Variants in FBXL17 observed in about 807,000 individuals in gnomAD.
The protein encoded by FBXL17 is F-box/LRR-repeat protein 17.
A neutral mutation model predicts 66.2 loss-of-function variants in FBXL17; 22 were observed. The observed-to-expected ratio is 0.33, with a 90% CI of 0.24 to 0.47. The LOEUF (loss-of-function observed/expected upper bound fraction) is 0.47, where lower values mean the gene tolerates loss of function less well. Ranked by LOEUF, FBXL17 falls within the 20% of genes least tolerant of loss-of-function variation. FBXL17 has a pLI of 1.00. For missense variants in FBXL17, 878 were observed against 948.2 expected (o/e 0.93, Z 0.97); for synonymous variants, 474 against 400.5 (o/e 1.18, Z -2.19).
chr5:108,277,005 A>G (rs565626145), intron 4 of FBXL17, among the ~76,000 whole-genome samples: 2 of 152,188 alleles, frequency 1.3e-5, no homozygotes, highest in Admixed American at 6.5e-5. Context: ...GAAGTAGATT[A>G]TAATTGCCTT....
chr5:107,921,391 A>C (rs1343893021), intron 7 of FBXL17, among the ~76,000 whole-genome samples: 1 of 152,174 alleles, frequency 6.6e-6, no homozygotes, highest in Non-Finnish European at 1.5e-5. Flanking sequence ...TTTGCATGTA[A>C]AGTATTAAGA....
At chr5:108,191,708 A>G (rs1421968933) in intron 5 of FBXL17, among the ~76,000 whole-genome samples, 5 of 152,122 alleles carry the variant, frequency 3.3e-5, no homozygotes, top group African/African-American at 1.2e-4. Context: ...ATCCAGGCCT[A>G]CTCCTCACAA....
intron 4 of FBXL17, among the ~76,000 whole-genome samples, chr5:108,317,061 T>C (rs945048888): frequency 1.3e-5 from 2 of 151,264 alleles, no homozygotes; most frequent in Admixed American, 1.3e-4. Flanking sequence ...AATTTCTAGT[T>C]CTGAGTTATA....
intron 6 of FBXL17, among the ~76,000 whole-genome samples, chr5:108,065,975 G>A (rs1748102302): frequency 6.6e-6 from 1 of 152,114 alleles, no homozygotes; most frequent in South Asian, 2.1e-4. Flanking sequence ...AGTACCTGGG[G>A]AAGGAAATGG....
chr5:107,880,738 C>T (rs1748761433), intron 8 of FBXL17: 5 of 1,284,246 alleles, frequency 3.9e-6, no homozygotes, highest in Admixed American at 3.6e-5. Context: ...TAATCTTTTA[C>T]ATTTTGGTCC....
chr5:108,125,114 T>C (rs971023282), intron 6 of FBXL17, among the ~76,000 whole-genome samples: 3 of 151,906 alleles, frequency 2.0e-5, no homozygotes, highest in East Asian at 1.9e-4. Context: ...TTCTGTATTT[T>C]ATTAAAAAAA....
At position 108,381,185 on chromosome 5, in the gene FBXL17, G is replaced by A; in HGVS notation, c.507C>T (p.Phe169=). The change falls in exon 1 of 9, where the codon TTC becomes TTT. Residue 169 remains phenylalanine, a synonymous_variant. Transcript: ENST00000542267. ...GCTGCACGGCGGCGGGCGGCCCCAG[G>A]AAGCGCACCGGCCCCAAGCTGGCCA... ...LFLASLGPVR[F]LGPPAAVQLF... 7.0e-7 allele frequency: 1 copy of A among 1,435,844 alleles called. No individual in the cohort carries two copies. Among genetic ancestry groups the A allele is most frequent in the Non-Finnish European group, 9.1e-7 (1 of 1,096,684 alleles). The allele number at this position is 1,435,844 out of a possible 1,614,324, so 88.9% of individuals were successfully genotyped here. A position where few individuals can be genotyped will look rare whatever the true frequency, so the allele number is the denominator to read the frequency against.
intron 4 of FBXL17, among the ~76,000 whole-genome samples, chr5:108,339,023 T>G (rs189904588): frequency 8.5e-5 from 13 of 152,306 alleles, no homozygotes; most frequent in Admixed American, 5.2e-4. Flanking sequence ...AATGTATCTT[T>G]GTGATAATGA....
intron 6 of FBXL17, among the ~76,000 whole-genome samples, chr5:108,023,241 CA>C (rs1232684456): frequency 5.8e-4 from 89 of 152,172 alleles, no homozygotes; most frequent in African/African-American, 2.1e-3. Context: ...TTCATGGAGA[CA>C]AAACCATACT....
At chr5:108,379,774 T>C (rs1580934783) in intron 1 of FBXL17, among the ~76,000 whole-genome samples, 1 of 152,296 alleles carries the variant, frequency 6.6e-6, no homozygotes, top group Non-Finnish European at 1.5e-5. Flanking sequence ...AAAAACTCTA[T>C]TATGTAACTA....
intron 7 of FBXL17, among the ~76,000 whole-genome samples, chr5:107,987,367 A>G (rs1753056301): frequency 6.6e-6 from 1 of 151,942 alleles, no homozygotes; most frequent in Non-Finnish European, 1.5e-5. Flanking sequence ...AGGAAGGTGA[A>G]TGAATTTTAC....
At chr5:108,086,607 G>GGAGT (rs1748980336) in intron 6 of FBXL17, among the ~76,000 whole-genome samples, 1 of 152,150 alleles carries the variant, frequency 6.6e-6, no homozygotes, top group Admixed American at 6.5e-5. Context: ...TGCCCAGGCT[G>GGAGT]GAGTGCAGTG....
In FBXL17 at chr5:107,957,592, T is replaced by C. The variant is rs114891405; in HGVS notation, c.1822+63333A>G. Reference sequence around the variant, plus strand: ...TAACTCATTGATGACATATGCGTTCTAAATTTGCAGCACATACTATTTTTC... The same window carrying C: ...TAACTCATTGATGACATATGCGTTCCAAATTTGCAGCACATACTATTTTTC... On this transcript the variant is annotated intron_variant, in intron 7 of 8. Coordinates refer to ENST00000542267, the MANE Select transcript of FBXL17 (RefSeq NM_001163315.3). Among the ~76,000 whole-genome samples the C allele has an allele frequency of 5.6e-3, 851 of 152,264 alleles. 8 individuals carry two copies. The highest frequency in any genetic ancestry group is 0.018 in the African/African-American group (755 of 41,558).
rs1749937626 is a variant in FBXL17, at chr5:108,381,563, A to T, written c.129T>A (p.Pro43=). Reference sequence around the variant, plus strand: ...CCCGGCTCCGGGGCGCCGCCGGCTGAGGGGGCACCTTGGCTGGGGTCCGGC... The same window carrying T: ...CCCGGCTCCGGGGCGCCGCCGGCTGTGGGGGCACCTTGGCTGGGGTCCGGC... ...LPRRTPAKVP[P]QPAAPRSRDC... The change falls in exon 1 of 9, where the codon CCT becomes CCA. Residue 43 remains proline, a synonymous_variant. Transcript: ENST00000542267. 3 of 1,438,286 alleles carry T rather than the reference A, an allele frequency of 2.1e-6. No individual in the cohort carries two copies. The East Asian group carries it at 8.9e-5, about 42-fold the overall frequency. The allele number at this position is 1,438,286 out of a possible 1,614,324, so 89.1% of individuals were successfully genotyped here.
At chr5:108,128,195 G>A (rs1213141512) in intron 6 of FBXL17, among the ~76,000 whole-genome samples, 15 of 150,864 alleles carry the variant, frequency 9.9e-5, no homozygotes, top group Admixed American at 3.3e-4. Context: ...GCAGTGAGCC[G>A]AGATCATGCC....
chr5:107,972,684 T>C (rs1752417202), intron 7 of FBXL17, among the ~76,000 whole-genome samples: 1 of 152,158 alleles, frequency 6.6e-6, no homozygotes, highest in African/African-American at 2.4e-5. Context: ...AGACAGTTAT[T>C]AAGTCACCGC....
At chr5:108,373,613 G>A (rs866900585) in intron 1 of FBXL17, among the ~76,000 whole-genome samples, 3 of 152,132 alleles carry the variant, frequency 2.0e-5, no homozygotes, top group South Asian at 2.1e-4. Context: ...AAACTTTCCA[G>A]TTAAGACACA....
intron 1 of FBXL17, among the ~76,000 whole-genome samples, chr5:108,368,173 G>A (rs1327103976): frequency 4.6e-5 from 7 of 151,862 alleles, no homozygotes. Context: ...AAGAGGAGGG[G>A]AAGAGAACAG....
At chr5:108,144,226 C>T (rs139611550) in intron 6 of FBXL17, among the ~76,000 whole-genome samples, 2 of 152,218 alleles carry the variant, frequency 1.3e-5, no homozygotes, top group African/African-American at 2.4e-5. Context: ...CATTCTAATG[C>T]TCTCAAGGAG....
Sources: allele counts gnomAD v4.1 joint callset (sites outside exome capture counted in the v4.1 genomes callset), GRCh38; gene constraint gnomAD v4.1.1; transcripts MANE v1.5; gene names NCBI Gene and HGNC (gene_info 2026-07-23, HGNC 2026-07-21).